The following WWOX variants were observed in gnomAD, a reference collection of about 807,000 sequenced individuals.
WWOX encodes WW domain-containing oxidoreductase.
WWOX carries 69 observed loss-of-function variants against 46.2 expected under a neutral mutation model. The ratio of observed to expected loss-of-function variants is 1.49; its 90% confidence interval spans 1.23 to 1.82. WWOX has a LOEUF of 1.82. Ranked by LOEUF, WWOX falls within the 40% of genes most tolerant of loss-of-function variation. WWOX has a pLI of 0.00. For synonymous variants in WWOX, 359 were observed against 202.6 expected (o/e 1.77, Z -6.56); for missense variants, 919 against 542.6 (o/e 1.69, Z -6.89).
At chr16:78,351,213 C>G (rs930208441) in intron 5 of WWOX, among the ~76,000 whole-genome samples, 1 of 152,202 alleles carries the variant, frequency 6.6e-6, no homozygotes, top group South Asian at 2.1e-4. Context: ...AGGAAAGATT[C>G]ACATCCCCAA....
intron 8 of WWOX, among the ~76,000 whole-genome samples, chr16:78,960,609 A>G (rs2046254050): frequency 6.6e-6 from 1 of 152,208 alleles, no homozygotes; most frequent in African/African-American, 2.4e-5. Flanking sequence ...ATTGGTCAGA[A>G]ATAAGGAAAT....
At chr16:78,999,096 C>G (rs547155731) in intron 8 of WWOX, among the ~76,000 whole-genome samples, 5 of 151,416 alleles carry the variant, frequency 3.3e-5, no homozygotes, top group East Asian at 1.9e-4. Context: ...TTGCGCAACA[C>G]AACTGCAGAG....
intron 5 of WWOX, among the ~76,000 whole-genome samples, chr16:78,273,825 A>G (rs1212282814): frequency 5.9e-5 from 9 of 152,200 alleles, no homozygotes; most frequent in African/African-American, 1.7e-4. Flanking sequence ...GTGTAGTGGA[A>G]CCATCGCTGA....
At chr16:78,896,677 A>G (rs758334547) in intron 8 of WWOX, 1 of 152,120 alleles carries the variant, frequency 6.6e-6, no homozygotes, top group Non-Finnish European at 1.5e-5. Context: ...ATTTTTGTCG[A>G]TTGGATTGTA....
At chr16:79,158,234 G>C (rs1382578093) in intron 8 of WWOX, among the ~76,000 whole-genome samples, 8 of 151,982 alleles carry the variant, frequency 5.3e-5, no homozygotes, top group Non-Finnish European at 1.0e-4. Context: ...TTAAGGAGGA[G>C]ATGATCAGAA....
intron 8 of WWOX, among the ~76,000 whole-genome samples, chr16:79,009,786 C>G (rs976494708): frequency 2.0e-5 from 3 of 152,110 alleles, no homozygotes; most frequent in African/African-American, 7.2e-5. Context: ...TGGAATGGTG[C>G]AACCATGGTA....
At chr16:78,384,109 G>A (rs149311626) in intron 5 of WWOX, among the ~76,000 whole-genome samples, 1 of 152,186 alleles carries the variant, frequency 6.6e-6, no homozygotes, top group African/African-American at 2.4e-5. Flanking sequence ...GTTTTATGGG[G>A]GAAATACATA....
chr16:78,624,739 C>G (rs773384789), intron 8 of WWOX, among the ~76,000 whole-genome samples: 1 of 152,180 alleles, frequency 6.6e-6, no homozygotes, highest in Non-Finnish European at 1.5e-5. Flanking sequence ...TGGAATTCTC[C>G]AGCACCCTGG....
In WWOX at chr16:78,227,910, T is replaced by C. The variant is rs184224447; in HGVS notation, c.516+63621T>C. 1.5e-4 allele frequency among the ~76,000 whole-genome samples: 23 copies of C among 152,178 alleles called. No homozygotes were observed. In the South Asian group the frequency reaches 4.4e-3, roughly 29 times the overall value. On this transcript the variant is annotated intron_variant, in intron 5 of 8. Coordinates refer to ENST00000566780, the MANE Select transcript of WWOX (RefSeq NM_016373.4). ...ACAAAAAGAAACATACCGGGAGATC[T>C]GGTTCTATTGAACCCCAGTGCAGCC...
At chr16:78,781,563 T>C (rs1345462850) in intron 8 of WWOX, among the ~76,000 whole-genome samples, 1 of 152,342 alleles carries the variant, frequency 6.6e-6, no homozygotes. Context: ...GTGCTTCCTA[T>C]TTAAAACATG....
intron 5 of WWOX, among the ~76,000 whole-genome samples, chr16:78,284,873 T>C (rs1567477989): frequency 6.6e-6 from 1 of 152,230 alleles, no homozygotes; most frequent in Non-Finnish European, 1.5e-5. Flanking sequence ...AACTTACGTA[T>C]TTCTTCCATT....
chr16:78,857,581 G>A (rs916599336), intron 8 of WWOX, among the ~76,000 whole-genome samples: 1 of 152,290 alleles, frequency 6.6e-6, no homozygotes, highest in African/African-American at 2.4e-5. Context: ...CAAGAGTCTA[G>A]TGACCTTAAA....
intron 8 of WWOX, among the ~76,000 whole-genome samples, chr16:79,052,052 ATTATAC>A (rs2048177672): frequency 7.3e-5 from 10 of 137,360 alleles, no homozygotes; most frequent in African/African-American, 2.7e-4. Flanking sequence ...TTTTTTTTTA[ATTATAC>A]TTTAAGTTTT....
At chr16:79,003,711 G>A (rs1026864102) in intron 8 of WWOX, among the ~76,000 whole-genome samples, 3 of 152,158 alleles carry the variant, frequency 2.0e-5, no homozygotes, top group Non-Finnish European at 4.4e-5. Flanking sequence ...GTGGTCTCAG[G>A]GTGATTGGAT....
chr16:78,889,580 C>T (rs756059636), intron 8 of WWOX, among the ~76,000 whole-genome samples: 9 of 152,016 alleles, frequency 5.9e-5, no homozygotes, highest in Non-Finnish European at 1.2e-4. Context: ...AGGAGAAAAC[C>T]GAGCCAAGCT....
chr16:78,307,172 A>AT lies in WWOX; in HGVS notation c.517-79680dup, dbSNP rs558020902. 2.1e-3 allele frequency among the ~76,000 whole-genome samples: 321 copies of AT among 152,076 alleles called. 3 individuals are homozygous for AT. Among genetic ancestry groups the AT allele is most frequent in the Middle Eastern group, 6.8e-3 (2 of 294 alleles). ...TTAAGCAGCATCTGTTAGAAAAGGTATTTTTTTTATGAAGTAAGTAGGGAA... is the reference window on the plus strand; with the variant it reads ...TTAAGCAGCATCTGTTAGAAAAGGTATTTTTTTTTATGAAGTAAGTAGGGAA... On this transcript the variant is annotated intron_variant, in intron 5 of 8. Transcript: ENST00000566780.
chr16:78,903,845 A>C (rs141949405), intron 8 of WWOX, among the ~76,000 whole-genome samples: 28 of 152,318 alleles, frequency 1.8e-4, no homozygotes, highest in African/African-American at 6.3e-4. Context: ...GGAACATTCT[A>C]TTTAGTTCTC....
chr16:79,191,794 G>A (rs2051142033), intron 8 of WWOX, among the ~76,000 whole-genome samples: 1 of 152,074 alleles, frequency 6.6e-6, no homozygotes, highest in Non-Finnish European at 1.5e-5. Flanking sequence ...CTGAATAAAT[G>A]TCTATTTAAA....
intron 8 of WWOX, chr16:78,825,155 G>A (rs1209927337): frequency 6.5e-6 from 1 of 154,990 alleles, no homozygotes; most frequent in African/African-American, 2.4e-5. Flanking sequence ...CAACCAAGTG[G>A]CAGGGCTGAC....
Sources: allele counts gnomAD v4.1 joint callset (sites outside exome capture counted in the v4.1 genomes callset), GRCh38; gene constraint gnomAD v4.1.1; transcripts MANE v1.5; gene names NCBI Gene and HGNC (gene_info 2026-07-23, HGNC 2026-07-21).